The following SORCS2 variants were observed in gnomAD, a reference collection of about 807,000 sequenced individuals.
SORCS2 encodes the protein VPS10 domain-containing receptor SorCS2.
Under a neutral mutation model 141.6 loss-of-function variants are expected in SORCS2, and 100 were observed. The observed-to-expected ratio is 0.71, with a 90% confidence interval of 0.60 to 0.83. The LOEUF is 0.83. Among genes scored for constraint, SORCS2 ranks in the 40% least tolerant of loss-of-function variants. The pLI, the probability that SORCS2 is intolerant of heterozygous loss-of-function variation, is 0.00. For synonymous variants in SORCS2, 789 were observed against 676.9 expected, an observed-to-expected ratio of 1.17 and a Z score of -2.57; for missense variants, 1,646 against 1,560.2, an observed-to-expected ratio of 1.05 and a Z score of -0.93.
intron 1 of SORCS2, among the ~76,000 whole-genome samples, chr4:7,376,284 A>C (rs2109057522): frequency 6.6e-6 from 1 of 152,316 alleles, no homozygotes; most frequent in South Asian, 2.1e-4. Context: ...TAAAAAAAAA[A>C]AAAAAATACT....
chr4:7,640,070 AGT>A (rs1319460888), intron 4 of SORCS2, among the ~76,000 whole-genome samples: 10 of 149,290 alleles, frequency 6.7e-5, no homozygotes, highest in East Asian at 2.0e-4. Flanking sequence ...TGTGTTTATG[AGT>A]GTGAAACAGC....
At chr4:7,689,070 C>A (rs1016154828) in intron 10 of SORCS2, among the ~76,000 whole-genome samples, 1 of 152,198 alleles carries the variant, frequency 6.6e-6, no homozygotes, top group South Asian at 2.1e-4. Context: ...CCAGGAATCA[C>A]ATCCCATGGC....
intron 2 of SORCS2, chr4:7,434,781 C>G (rs202126632): frequency 3.7e-6 from 6 of 1,611,950 alleles, no homozygotes; most frequent in Non-Finnish European, 5.1e-6. Context: ...GATCCTGACA[C>G]CACACCGTGG....
chr4:7,638,682 C>T (rs145084178), intron 4 of SORCS2, among the ~76,000 whole-genome samples, 190 bp downstream of exon 4: 100 of 152,172 alleles, frequency 6.6e-4, no homozygotes, highest in African/African-American at 2.3e-3. Context: ...CTCAAGGGAC[C>T]GTGCCCACTT....
At chr4:7,464,641 A>G (rs1354736290) in intron 2 of SORCS2, among the ~76,000 whole-genome samples, 2 of 152,240 alleles carry the variant, frequency 1.3e-5, no homozygotes, top group African/African-American at 2.4e-5. Flanking sequence ...ATTCAAAGGT[A>G]GGACTAGGGG....
At chr4:7,417,208 C>T (rs188391790) in intron 2 of SORCS2, among the ~76,000 whole-genome samples, 604 of 152,212 alleles carry the variant, frequency 4.0e-3, no homozygotes, top group Non-Finnish European at 6.0e-3. Context: ...TGCCGGCGGC[C>T]GAGTGGCATG....
intron 3 of SORCS2, among the ~76,000 whole-genome samples, chr4:7,548,874 C>T (rs912119066): frequency 6.6e-6 from 1 of 152,238 alleles, no homozygotes; most frequent in African/African-American, 2.4e-5. Context: ...TCCTACTCTG[C>T]CGGATTGACA....
intron 2 of SORCS2, among the ~76,000 whole-genome samples, chr4:7,429,796 T>A (rs1328509243): frequency 6.6e-6 from 1 of 152,204 alleles, no homozygotes; most frequent in African/African-American, 2.4e-5. Flanking sequence ...GCCCTGAGCC[T>A]GCTGCTCCCT....
At chr4:7,255,859 C>T (rs1315266060) in intron 1 of SORCS2, among the ~76,000 whole-genome samples, 108 of 8,720 alleles carry the variant, frequency 0.012, no homozygotes, top group Admixed American at 0.077. Context: ...GGACCCGGGG[C>T]TGGAGCGTGG....
rs55663014 is a variant in SORCS2 at position 7,664,131 on chromosome 4, C to T, written c.953-222C>T. On this transcript the variant is annotated intron_variant, in intron 6 of 26. Transcript: ENST00000507866. The surrounding 1 kb of genome is among the most constrained non-coding windows in gnomAD (Gnocchi z 4.7). ...GGCAGGCTCCAGAGTAGCACGAACACCTTCCTGAGGGTTGAAGGAGCTCGT... is the reference window on the plus strand; with the variant it reads ...GGCAGGCTCCAGAGTAGCACGAACATCTTCCTGAGGGTTGAAGGAGCTCGT... Among the ~76,000 whole-genome samples, 5,742 of 152,160 alleles carry T rather than the reference C, an allele frequency of 0.038. 376 individuals carry two copies. Among genetic ancestry groups the T allele is most frequent in the African/African-American group, 0.13 (5,417 of 41,476 alleles).
chr4:7,703,119 G>A (rs1029791305), intron 12 of SORCS2, among the ~76,000 whole-genome samples, 161 bp from the exon 13 acceptor site: 4 of 152,140 alleles, frequency 2.6e-5, no homozygotes, highest in Non-Finnish European at 4.4e-5. Flanking sequence ...GGGAAAGCTC[G>A]GGGATGGCCC....
intron 3 of SORCS2, among the ~76,000 whole-genome samples, chr4:7,634,571 G>A (rs1720115922): frequency 6.6e-6 from 1 of 152,214 alleles, no homozygotes; most frequent in South Asian, 2.1e-4. Flanking sequence ...GATTGAATGA[G>A]TAAACAATGG....
At chr4:7,195,004 G>C (rs1055756344) in intron 1 of SORCS2, among the ~76,000 whole-genome samples, 16 of 152,280 alleles carry the variant, frequency 1.1e-4, no homozygotes, top group Admixed American at 2.6e-4. Context: ...TCTGGGTGCA[G>C]GGCAGCTTCC....
chr4:7,580,206 G>C (rs1053864249), intron 3 of SORCS2, among the ~76,000 whole-genome samples: 2 of 152,188 alleles, frequency 1.3e-5, no homozygotes, highest in African/African-American at 4.8e-5. Flanking sequence ...GCACAAATGG[G>C]TGTGGTGGCT....
At chr4:7,454,370 G>C (rs1240021026) in intron 2 of SORCS2, among the ~76,000 whole-genome samples, 2 of 130,536 alleles carry the variant, frequency 1.5e-5, no homozygotes, top group African/African-American at 2.9e-5. Flanking sequence ...GTCAGGAGCT[G>C]TGTGTTGGGG....
intron 1 of SORCS2, among the ~76,000 whole-genome samples, chr4:7,248,335 G>GA (rs1560139103): frequency 4.3e-5 from 3 of 69,220 alleles, no homozygotes. Context: ...ACAGGTCACC[G>GA]TGGGGGGGCC....
chr4:7,584,136 T>C (rs938863071), intron 3 of SORCS2, among the ~76,000 whole-genome samples: 7 of 152,238 alleles, frequency 4.6e-5, no homozygotes, highest in African/African-American at 1.7e-4. Context: ...GATCCTAATA[T>C]AGAATCTGTT....
At chr4:7,287,430 G>A (rs539504041) in intron 1 of SORCS2, among the ~76,000 whole-genome samples, 2 of 152,360 alleles carry the variant, frequency 1.3e-5, no homozygotes, top group South Asian at 4.1e-4. Context: ...TTCCTACTGG[G>A]AGCTGGGCGT....
intron 3 of SORCS2, among the ~76,000 whole-genome samples, chr4:7,586,206 C>G (rs1716524003): frequency 6.6e-6 from 1 of 152,192 alleles, no homozygotes; most frequent in African/African-American, 2.4e-5. Flanking sequence ...ATTAATTTGA[C>G]TGATTTGCTT....
Sources: gnomAD v4.1 joint callset for allele counts (sites outside exome capture counted in the v4.1 genomes callset) on GRCh38, gnomAD v4.1.1 for gene constraint, Gnocchi (gnomAD v3.1) non-coding constraint, MANE v1.5 for transcripts, NCBI Gene and HGNC (gene_info 2026-07-23, HGNC 2026-07-21) for gene names.